The following QNG1 variants were observed in gnomAD, a reference collection of about 807,000 sequenced individuals.
QNG1 encodes the protein queuosine 5'-phosphate N-glycosylase/hydrolase.
the QNG1 span, chr9:83,955,434 T>C: frequency 6.2e-7 from 1 of 1,614,170 alleles, no homozygotes; most frequent in Admixed American, 1.7e-5. Context: ...ACCAGGTGCA[T>C]TAACTTCTGC....
the QNG1 span, among the ~76,000 whole-genome samples, chr9:83,940,292 C>T: frequency 6.6e-6 from 1 of 151,924 alleles, no homozygotes. Flanking sequence ...GTAGTCCCAA[C>T]TACTCAGGAG....
At chr9:83,945,126 G>A in the QNG1 span, 13 of 709,024 alleles carry the variant, frequency 1.8e-5, no homozygotes, top group South Asian at 4.5e-5. Flanking sequence ...TAGATTGGCC[G>A]GGCACCATGG....
At chr9:83,953,228 A>C in the QNG1 span, among the ~76,000 whole-genome samples, 1 of 152,198 alleles carries the variant, frequency 6.6e-6, no homozygotes, top group East Asian at 1.9e-4. Context: ...AGATACTGCC[A>C]CTTTCTGGTA....
the QNG1 span, chr9:83,938,391 G>GA: frequency 6.6e-6 from 1 of 151,950 alleles, no homozygotes; most frequent in Non-Finnish European, 1.5e-5. Flanking sequence ...ATCCTAAATT[G>GA]AAAATCATGA....
the QNG1 span, among the ~76,000 whole-genome samples, chr9:83,951,366 G>A: frequency 6.6e-6 from 1 of 152,228 alleles, no homozygotes; most frequent in African/African-American, 2.4e-5. Flanking sequence ...TTCGAGACCA[G>A]CCTGGCCAAC....
At chr9:83,947,589 A>G in the QNG1 span, among the ~76,000 whole-genome samples, 1 of 152,214 alleles carries the variant, frequency 6.6e-6, no homozygotes, top group Non-Finnish European at 1.5e-5. Flanking sequence ...TACTGCCGCC[A>G]TCTCGGCTCA....
the QNG1 span, among the ~76,000 whole-genome samples, chr9:83,950,295 G>A: frequency 6.6e-6 from 1 of 151,876 alleles, no homozygotes; most frequent in Non-Finnish European, 1.5e-5. Flanking sequence ...TGATCCACCT[G>A]CCTCGGCCTC....
chr9:83,956,682 C>G, the QNG1 span: 2 of 501,574 alleles, frequency 4.0e-6, no homozygotes, highest in Admixed American at 7.5e-5. Flanking sequence ...CGGCGTTGCC[C>G]TGATTAGGAA....
At chr9:83,941,911 A>C in the QNG1 span, among the ~76,000 whole-genome samples, 1 of 152,144 alleles carries the variant, frequency 6.6e-6, no homozygotes, top group Non-Finnish European at 1.5e-5. Flanking sequence ...CGTCTCAAAA[A>C]AAAAAAAGAA....
At chr9:83,947,802 C>T in the QNG1 span, among the ~76,000 whole-genome samples, 2 of 152,240 alleles carry the variant, frequency 1.3e-5, no homozygotes, top group East Asian at 3.8e-4. Context: ...GACAGAGGCT[C>T]GCTCACTCAG....
the QNG1 span, chr9:83,955,512 C>T: frequency 5.0e-6 from 8 of 1,614,024 alleles, no homozygotes; most frequent in African/African-American, 9.3e-5. Flanking sequence ...AGAATTTTCC[C>T]GGTTTCATTG....
the QNG1 span, chr9:83,955,286 A>C: frequency 6.0e-6 from 8 of 1,326,012 alleles, no homozygotes; most frequent in Non-Finnish European, 8.3e-6. Flanking sequence ...TACATTTAAA[A>C]ATTTAAGTTT....
the QNG1 span, among the ~76,000 whole-genome samples, chr9:83,947,882 G>A: frequency 4.6e-5 from 7 of 152,188 alleles, no homozygotes; most frequent in Admixed American, 3.9e-4. Flanking sequence ...CCTCCCAGCC[G>A]CCTGCCTTGG....
chr9:83,951,043 G>A, the QNG1 span, among the ~76,000 whole-genome samples: 1 of 152,112 alleles, frequency 6.6e-6, no homozygotes, highest in African/African-American at 2.4e-5. Flanking sequence ...AGGCCGAGGT[G>A]GGCAGATCAC....
chr9:83,950,441 G>A, the QNG1 span, among the ~76,000 whole-genome samples: 1 of 151,954 alleles, frequency 6.6e-6, no homozygotes, highest in African/African-American at 2.4e-5. Context: ...ATATTAACTG[G>A]TATCACTAAA....
At chr9:83,951,178 G>A in the QNG1 span, among the ~76,000 whole-genome samples, 1 of 152,282 alleles carries the variant, frequency 6.6e-6, no homozygotes, top group South Asian at 2.1e-4. Context: ...GCTGAGGTGG[G>A]AGAATCGCTT....
the QNG1 span, chr9:83,945,050 T>G: frequency 7.8e-7 from 1 of 1,284,918 alleles, no homozygotes; most frequent in South Asian, 1.5e-5. Flanking sequence ...ATATGCTATT[T>G]TTTAAAGGTG....
At chr9:83,955,714 T>C in the QNG1 span, 1 of 1,423,242 alleles carries the variant, frequency 7.0e-7, no homozygotes, top group Admixed American at 2.0e-5. Flanking sequence ...TTTTACAACA[T>C]GGAATTAATA....
At chr9:83,956,520 CG>C in the QNG1 span, 2 of 1,513,520 alleles carry the variant, frequency 1.3e-6, no homozygotes, top group African/African-American at 2.8e-5. Context: ...TGGGACCCGG[CG>C]GGCCAAACTC....
Sources: gnomAD v4.1 joint callset for allele counts (sites outside exome capture counted in the v4.1 genomes callset) on GRCh38, gnomAD v4.1.1 for gene constraint, MANE v1.5 for transcripts, NCBI Gene and HGNC (gene_info 2026-07-23, HGNC 2026-07-21) for gene names.